The following NRXN3 variants were observed in gnomAD, a reference collection of about 807,000 sequenced individuals.
NRXN3 encodes the protein neurexin 3.
In NRXN3, 32 loss-of-function variants were observed where a neutral mutation model predicts 137.6. That is an observed-to-expected ratio of 0.23 (90% confidence interval 0.18 to 0.31). The LOEUF (loss-of-function observed/expected upper bound fraction) is 0.31, where lower values mean the gene tolerates loss of function less well. Among genes scored for constraint, NRXN3 ranks in the 10% least tolerant of loss-of-function variants. The pLI is 1.00. For missense variants in NRXN3, 1,574 were observed against 2,062.5 expected, an observed-to-expected ratio of 0.76 and a Z score of 4.59; for synonymous variants, 798 against 784.5, an observed-to-expected ratio of 1.02 and a Z score of -0.29.
intron 4 of NRXN3, among the ~76,000 whole-genome samples, chr14:78,644,294 T>C (rs1305107570): frequency 6.6e-6 from 1 of 152,092 alleles, no homozygotes; most frequent in Non-Finnish European, 1.5e-5. Flanking sequence ...AAAGAGTATA[T>C]GGGCTCCAGT....
chr14:78,431,362 A>G (rs912686140), intron 4 of NRXN3, among the ~76,000 whole-genome samples: 1 of 152,242 alleles, frequency 6.6e-6, no homozygotes, highest in African/African-American at 2.4e-5. Flanking sequence ...GAAGAAGAGT[A>G]TCCTCGAACA....
Position 78,833,180 on chromosome 14 carries a change from C to A in NRXN3, c.2275+22836C>A, listed in dbSNP as rs185906169. ...AGTAAAACAGCTTATTTTCAGGGTT[C>A]TTTAACAAATTCTGTAATTAGTACT... On this transcript the variant is annotated intron_variant, in intron 10 of 20. Coordinates refer to ENST00000335750, the MANE Select transcript of NRXN3 (RefSeq NM_001330195.2). 7.2e-5 allele frequency among the ~76,000 whole-genome samples: 11 copies of A among 152,190 alleles called. No homozygotes were observed. The East Asian group carries it at 2.1e-3, about 29-fold the overall frequency.
intron 15 of NRXN3, among the ~76,000 whole-genome samples, chr14:79,086,381 T>C (rs1406248479): frequency 6.6e-6 from 1 of 152,136 alleles, no homozygotes; most frequent in South Asian, 2.1e-4. Flanking sequence ...TAACTTGGGA[T>C]CTTAAGCTTC....
At chr14:78,462,846 G>A (rs368604523) in intron 4 of NRXN3, among the ~76,000 whole-genome samples, 8 of 152,180 alleles carry the variant, frequency 5.3e-5, no homozygotes, top group Non-Finnish European at 1.2e-4. Context: ...CACATTGGTT[G>A]AGGAATGACA....
chr14:79,460,528 A>G (rs1010534073), intron 15 of NRXN3, among the ~76,000 whole-genome samples: 6 of 152,194 alleles, frequency 3.9e-5, no homozygotes, highest in East Asian at 1.9e-4. Flanking sequence ...TTCCCATGTT[A>G]TCAAACAGAT....
intron 15 of NRXN3, among the ~76,000 whole-genome samples, chr14:79,097,236 CAGG>C (rs1240934457): frequency 4.6e-5 from 7 of 152,012 alleles, no homozygotes; most frequent in Non-Finnish European, 7.4e-5. Flanking sequence ...ACAGAAGAAA[CAGG>C]AGGAGAAAAA....
At chr14:78,594,554 C>T (rs919922923) in intron 4 of NRXN3, among the ~76,000 whole-genome samples, 3 of 152,194 alleles carry the variant, frequency 2.0e-5, no homozygotes, top group African/African-American at 4.8e-5. Context: ...TCTCAGTAAC[C>T]GATGGCTTCC....
At chr14:78,509,723 T>C (rs1355571052) in intron 4 of NRXN3, among the ~76,000 whole-genome samples, 1 of 152,112 alleles carries the variant, frequency 6.6e-6, no homozygotes, top group Non-Finnish European at 1.5e-5. Flanking sequence ...CATGGGTCTC[T>C]ATTAGTCACA....
intron 4 of NRXN3, among the ~76,000 whole-genome samples, chr14:78,479,059 T>TA (rs2095428422): frequency 1.3e-5 from 2 of 152,362 alleles, no homozygotes; most frequent in South Asian, 4.1e-4. Flanking sequence ...TGTGCTACAA[T>TA]ATGTAAGTTA....
chr14:78,639,335 C>T (rs1398085681), intron 4 of NRXN3, among the ~76,000 whole-genome samples: 1 of 152,220 alleles, frequency 6.6e-6, no homozygotes, highest in East Asian at 1.9e-4. Flanking sequence ...TTCGCTGTGT[C>T]TCTGAGGCTC....
chr14:78,633,267 A>AAAAAAAAAAGAG (rs1376443966), intron 4 of NRXN3, among the ~76,000 whole-genome samples: 18 of 150,130 alleles, frequency 1.2e-4, no homozygotes, highest in African/African-American at 4.5e-4. Flanking sequence ...AAAAAAAAAA[A>AAAAAAAAAAGAG]AGAGACTGGT....
At chr14:78,373,060 T>C (rs1361754098) in intron 4 of NRXN3, among the ~76,000 whole-genome samples, 3 of 152,182 alleles carry the variant, frequency 2.0e-5, no homozygotes, top group African/African-American at 2.4e-5. Flanking sequence ...AAAGGAAGTA[T>C]CTAAAATTGG....
intron 4 of NRXN3, among the ~76,000 whole-genome samples, chr14:78,301,788 G>A (rs2076900855): frequency 6.6e-6 from 1 of 152,198 alleles, no homozygotes; most frequent in Non-Finnish European, 1.5e-5. Flanking sequence ...TGAGTTTTAT[G>A]CTTTTCTGGG....
At chr14:79,231,332 AT>A (rs971535375) in intron 15 of NRXN3, among the ~76,000 whole-genome samples, 20 of 152,180 alleles carry the variant, frequency 1.3e-4, no homozygotes, top group African/African-American at 4.6e-4. Flanking sequence ...AAAGGCTGAG[AT>A]AGCATTTATT....
At chr14:79,805,237 A>C (rs772142045) in intron 20 of NRXN3, 47 bp downstream of exon 20, 3 of 1,351,692 alleles carry the variant, frequency 2.2e-6, no homozygotes, top group Non-Finnish European at 3.2e-6. Context: ...TTTCTTTTGC[A>C]AAAAACAATA....
At chr14:79,030,337 G>T (rs1049489292) in intron 15 of NRXN3, among the ~76,000 whole-genome samples, 2 of 151,818 alleles carry the variant, frequency 1.3e-5, no homozygotes, top group Non-Finnish European at 2.9e-5. Flanking sequence ...ACTTCTTCAG[G>T]ATAGACTGTT....
chr14:78,797,488 A>C (rs980681337), intron 8 of NRXN3, among the ~76,000 whole-genome samples: 1 of 152,246 alleles, frequency 6.6e-6, no homozygotes, highest in African/African-American at 2.4e-5. Flanking sequence ...TTAAAAATTA[A>C]AGGAGAATGA....
intron 6 of NRXN3, among the ~76,000 whole-genome samples, chr14:78,678,544 T>C (rs1159358157): frequency 6.6e-6 from 1 of 152,190 alleles, no homozygotes; most frequent in African/African-American, 2.4e-5. Flanking sequence ...TGGATGTTTA[T>C]AACTTTACTA....
Position 79,009,363 on chromosome 14 carries a change from T to C in NRXN3, c.3262+21222T>C, listed in dbSNP as rs532773387. Reference sequence around the variant, plus strand: ...ACTTAAAAACAAGATATTTTGCTTCTTGGTTAGCTTTACTGAGAATCCAGG... The same window carrying C: ...ACTTAAAAACAAGATATTTTGCTTCCTGGTTAGCTTTACTGAGAATCCAGG... On this transcript the variant is annotated intron_variant, in intron 15 of 20. Coordinates refer to ENST00000335750, the MANE Select transcript of NRXN3 (RefSeq NM_001330195.2). Among the ~76,000 whole-genome samples, 5 of 152,300 alleles carry C rather than the reference T, an allele frequency of 3.3e-5. No individual in the cohort carries two copies. The South Asian group carries it at 1.0e-3, about 32-fold the overall frequency.
Sources: gnomAD v4.1 joint callset for allele counts (sites outside exome capture counted in the v4.1 genomes callset) on GRCh38, gnomAD v4.1.1 for gene constraint, MANE v1.5 for transcripts, NCBI Gene and HGNC (gene_info 2026-07-23, HGNC 2026-07-21) for gene names.